Variants in FAM78B observed in about 807,000 individuals in gnomAD.
The protein encoded by FAM78B is protein FAM78B.
In FAM78B, 10 loss-of-function variants were observed where a neutral mutation model predicts 20.0. That is an observed-to-expected ratio of 0.50 (90% CI 0.31 to 0.85). The LOEUF is 0.85. Among genes scored for constraint, FAM78B ranks in the 40% least tolerant of loss-of-function variants. The pLI is 0.05. For missense variants in FAM78B, 283 were observed against 345.0 expected (o/e 0.82, Z 1.42); for synonymous variants, 135 against 132.8 (o/e 1.02, Z -0.12).
chr1:166,070,821 C>G, intron 1 of FAM78B, 58 bp from the exon 2 acceptor site: 3 of 1,498,188 alleles, frequency 2.0e-6, no homozygotes, highest in Non-Finnish European at 2.7e-6. Context: ...TTTTCAAAAG[C>G]TGGAGAGGTG....
intron 1 of FAM78B, among the ~76,000 whole-genome samples, chr1:166,132,581 C>T (rs981754960): frequency 6.6e-6 from 1 of 152,174 alleles, no homozygotes; most frequent in Non-Finnish European, 1.5e-5. Flanking sequence ...CCTTCTTGTA[C>T]AGCAGTGGGA....
At chr1:166,149,761 C>G (rs1261537150) in intron 1 of FAM78B, among the ~76,000 whole-genome samples, 2 of 152,160 alleles carry the variant, frequency 1.3e-5, no homozygotes, top group African/African-American at 4.8e-5. Flanking sequence ...TCGTAGAATA[C>G]CTCCACACAG....
intron 1 of FAM78B, among the ~76,000 whole-genome samples, chr1:166,076,472 C>A (rs948317640): frequency 1.3e-5 from 2 of 152,178 alleles, no homozygotes; most frequent in Non-Finnish European, 2.9e-5. Context: ...GTTCTCACTG[C>A]AATCTTTCCT....
At chr1:166,109,824 A>ATGTG in intron 1 of FAM78B, among the ~76,000 whole-genome samples, 1 of 19,984 alleles carries the variant, frequency 5.0e-5, no homozygotes, top group East Asian at 2.0e-3. Flanking sequence ...GTATATATAT[A>ATGTG]TATATATGTA....
At chr1:166,098,406 T>C (rs1351670375) in intron 1 of FAM78B, among the ~76,000 whole-genome samples, 2 of 151,986 alleles carry the variant, frequency 1.3e-5, no homozygotes, top group African/African-American at 4.8e-5. Context: ...CTGATTTACC[T>C]GAGAAAGAAT....
chr1:166,056,321 G>A (rs867470357), downstream of FAM78B, among the ~76,000 whole-genome samples: 18 of 152,164 alleles, frequency 1.2e-4, no homozygotes, highest in Middle Eastern at 6.8e-3. Flanking sequence ...ATGAATGAAT[G>A]AATGTGAATT....
intron 1 of FAM78B, among the ~76,000 whole-genome samples, chr1:166,115,298 T>G (rs921828340): frequency 6.6e-6 from 1 of 152,238 alleles, no homozygotes; most frequent in African/African-American, 2.4e-5. Context: ...TCTTTGAGAA[T>G]GTTGTCACAT....
rs369190253 is a variant in FAM78B, at chr1:166,089,108, T to A, written c.264-18345A>T. ...ACTGCTCCCTTGGGCAACTGAGTAATCCTTAGGTCTAAACCCAAGTGTCAC... is the reference window on the plus strand; with the variant it reads ...ACTGCTCCCTTGGGCAACTGAGTAAACCTTAGGTCTAAACCCAAGTGTCAC... On this transcript the variant is annotated intron_variant, in intron 1 of 1. Transcript: ENST00000354422. 5.9e-5 allele frequency among the ~76,000 whole-genome samples: 9 copies of A among 152,302 alleles called. No individual in the cohort carries two copies. In the South Asian group the frequency reaches 1.9e-3, roughly 32 times the overall value.
intron 1 of FAM78B, among the ~76,000 whole-genome samples, chr1:166,105,518 A>T (rs970035502): frequency 1.3e-5 from 2 of 152,218 alleles, no homozygotes; most frequent in African/African-American, 2.4e-5. Context: ...AGAAAAAAGC[A>T]AACAACCCCA....
intron 1 of FAM78B, among the ~76,000 whole-genome samples, chr1:166,149,646 T>C (rs16856648): frequency 0.17 from 26,248 of 152,230 alleles, 2,989 homozygotes; most frequent in East Asian, 0.44. Flanking sequence ...TGAGGCTCAA[T>C]AGGAGTAACA....
At chr1:166,144,780 T>C (rs938530423) in intron 1 of FAM78B, among the ~76,000 whole-genome samples, 3 of 152,042 alleles carry the variant, frequency 2.0e-5, no homozygotes, top group Non-Finnish European at 2.9e-5. Context: ...ATCAAAGGTA[T>C]AGAGCCCACA....
At chr1:166,077,572 T>C (rs917187080) in intron 1 of FAM78B, among the ~76,000 whole-genome samples, 14 of 145,800 alleles carry the variant, frequency 9.6e-5, no homozygotes, top group African/African-American at 3.3e-4. Flanking sequence ...TCTCTATATA[T>C]AATTTATATA....
At chr1:166,069,227 A>ATG (rs140625373), downstream of FAM78B, among the ~76,000 whole-genome samples, 1,690 of 151,868 alleles carry the variant, frequency 0.011, 34 homozygotes, top group African/African-American at 0.039. Context: ...GCATGTGTGC[A>ATG]TGTGTGTGTG....
intron 2 of FAM78B, among the ~76,000 whole-genome samples, chr1:166,061,607 C>T (rs1322390071): frequency 6.6e-6 from 1 of 152,156 alleles, no homozygotes; most frequent in Admixed American, 6.5e-5. Flanking sequence ...GAAGACAATG[C>T]GCCATTACAT....
chr1:166,141,336 A>G (rs987361602), intron 1 of FAM78B, among the ~76,000 whole-genome samples: 8 of 152,248 alleles, frequency 5.3e-5, no homozygotes, highest in Admixed American at 3.9e-4. Context: ...GTTTGGGGAC[A>G]TAGAAATCTA....
intron 1 of FAM78B, among the ~76,000 whole-genome samples, chr1:166,113,468 A>G (rs1205381196): frequency 6.6e-6 from 1 of 152,238 alleles, no homozygotes; most frequent in African/African-American, 2.4e-5. Context: ...CCTTACAAAC[A>G]TTAGCGACTA....
At chr1:166,090,228 T>A (rs1469215042) in intron 1 of FAM78B, among the ~76,000 whole-genome samples, 1 of 152,064 alleles carries the variant, frequency 6.6e-6, no homozygotes, top group African/African-American at 2.4e-5. Context: ...AACTAAGAAA[T>A]GAAAAGTCCA....
rs1191981715 is a variant in FAM78B at position 166,070,634 on chromosome 1, G to T, written c.393C>A (p.Ile131=). 1.2e-6 allele frequency: 2 copies of T among 1,613,710 alleles called. No individual in the cohort carries two copies. The highest frequency in any genetic ancestry group is 1.7e-6 in the Non-Finnish European group (2 of 1,180,018). Residue 131 remains isoleucine, a synonymous_variant, in exon 2 of 2, where the codon ATC becomes ATA. Transcript: ENST00000354422. ...CATTCATGCTGACGGAGAACCTGGA[G>T]ATCTTGTTGGTGGGGCCAACCAGGG... ...TVTLVGPTNK[I]SRFSVSMNDN... is the part of the protein sequence containing the mutation.
chr1:166,152,470 C>T (rs1655713226), intron 1 of FAM78B, among the ~76,000 whole-genome samples: 1 of 152,024 alleles, frequency 6.6e-6, no homozygotes, highest in Admixed American at 6.6e-5. Flanking sequence ...TCTTGATATC[C>T]AGGCCTTTAA....
Sources: gnomAD v4.1 joint callset for allele counts (sites outside exome capture counted in the v4.1 genomes callset) on GRCh38, gnomAD v4.1.1 for gene constraint, MANE v1.5 for transcripts, NCBI Gene and HGNC (gene_info 2026-07-23, HGNC 2026-07-21) for gene names.